The following GRID1 variants were observed in gnomAD, a reference collection of about 807,000 sequenced individuals.
The protein encoded by GRID1 is glutamate receptor ionotropic, delta-1.
GRID1 carries 28 observed loss-of-function variants against 98.0 expected under a neutral mutation model. The observed-to-expected ratio is 0.29, with a 90% CI of 0.21 to 0.39. The LOEUF (loss-of-function observed/expected upper bound fraction) is 0.39. GRID1 is among the 10% of genes least tolerant of loss of function. The probability of loss-of-function intolerance (pLI) is 1.00; values close to 1 mark genes in which losing one functional copy is unlikely to be tolerated. For missense variants in GRID1, 1,111 were observed against 1,340.5 expected (o/e 0.83, Z 2.67); for synonymous variants, 553 against 538.5 (o/e 1.03, Z -0.37).
At chr10:85,625,626 C>T (rs1842903346) in intron 13 of GRID1, among the ~76,000 whole-genome samples, 1 of 152,166 alleles carries the variant, frequency 6.6e-6, no homozygotes, top group Non-Finnish European at 1.5e-5. Context: ...CCAGCAAACA[C>T]CTTAGCAAGC....
At chr10:85,751,079 G>C (rs1180857923) in intron 8 of GRID1, among the ~76,000 whole-genome samples, 3 of 152,166 alleles carry the variant, frequency 2.0e-5, no homozygotes, top group African/African-American at 7.2e-5. Context: ...TGGGAGAAAA[G>C]GACATGAGAT....
At chr10:85,735,452 T>C (rs1001348545) in intron 8 of GRID1, among the ~76,000 whole-genome samples, 4 of 152,156 alleles carry the variant, frequency 2.6e-5, no homozygotes, top group African/African-American at 7.2e-5. Context: ...TTGGAGAATA[T>C]ATTTCACAAA....
At chr10:86,296,093 C>A (rs1847584800) in intron 2 of GRID1, among the ~76,000 whole-genome samples, 1 of 152,232 alleles carries the variant, frequency 6.6e-6, no homozygotes, top group African/African-American at 2.4e-5. Context: ...TACAGTGGCT[C>A]CCACACCATG....
At chr10:85,689,385 T>C (rs1374214574) in intron 12 of GRID1, among the ~76,000 whole-genome samples, 1 of 151,610 alleles carries the variant, frequency 6.6e-6, no homozygotes, top group Admixed American at 6.6e-5. Flanking sequence ...ACAGGATAAA[T>C]TGTAAGAAGG....
rs777806614 is a variant in GRID1 at position 85,724,603 on chromosome 10, T to C, written c.1607A>G (p.Tyr536Cys). Residue 536 changes from tyrosine (Y) to cysteine (C), a missense_variant, in exon 11 of 16, where the codon TAC (tyrosine) becomes TGC (cysteine). Transcript: ENST00000327946. Reference protein sequence around the residue: ...RESVVDFSKRYMDYSVGILIK... With the variant: ...RESVVDFSKRCMDYSVGILIK... ...TAGAATCCCCACTGAATAGTCCATG[T>C]ACCGCTTGCTGAAGTCCACAACGCT... 6.2e-7 allele frequency: 1 copy of C among 1,613,476 alleles called. No homozygotes were observed. The highest frequency in any genetic ancestry group is 8.5e-7 in the Non-Finnish European group (1 of 1,179,980).
Position 85,648,474 on chromosome 10 carries a change from G to GTC in GRID1, c.1998-1079_1998-1078dup, listed in dbSNP as rs1204203335. ...ACTTATTTCTCTTCTAGAAATCTCA[G>GTC]TCTCTCCTCTTTAACAACCCACATC... is the stretch of plus-strand genomic sequence containing the variant. On this transcript the variant is annotated intron_variant, in intron 12 of 15. Coordinates refer to ENST00000327946, the MANE Select transcript of GRID1 (RefSeq NM_017551.3). 2.6e-5 allele frequency among the ~76,000 whole-genome samples: 4 copies of GTC among 152,068 alleles called. No individual in the cohort carries two copies. The South Asian group carries it at 6.2e-4, about 24-fold the overall frequency.
intron 2 of GRID1, among the ~76,000 whole-genome samples, chr10:86,228,767 T>G (rs987126338): frequency 5.3e-5 from 8 of 152,008 alleles, no homozygotes; most frequent in Non-Finnish European, 1.5e-5. Flanking sequence ...GGGTCACCCC[T>G]CAGGAAGTGG....
At chr10:85,775,447 G>A (rs529958998) in intron 8 of GRID1, among the ~76,000 whole-genome samples, 2 of 152,088 alleles carry the variant, frequency 1.3e-5, no homozygotes, top group East Asian at 1.9e-4. Flanking sequence ...TGCACATTGT[G>A]CACATGTACC....
intron 13 of GRID1, chr10:85,645,451 A>G (rs1187080445): frequency 1.3e-5 from 2 of 152,248 alleles, no homozygotes; most frequent in East Asian, 3.8e-4. Flanking sequence ...CGAGGTTTTA[A>G]TAAATCTTGT....
chr10:86,352,218 G>A (rs1589459317), intron 2 of GRID1, among the ~76,000 whole-genome samples: 1 of 152,210 alleles, frequency 6.6e-6, no homozygotes, highest in African/African-American at 2.4e-5. Context: ...CAGCTCATGT[G>A]GTCCAAGGCT....
chr10:85,608,501 G>A (rs756477905), intron 15 of GRID1, among the ~76,000 whole-genome samples: 11 of 152,156 alleles, frequency 7.2e-5, no homozygotes, highest in Non-Finnish European at 1.2e-4. Context: ...TTCAATAAAC[G>A]TGTTTGAGCT....
At chr10:86,243,368 C>T (rs1421836828) in intron 2 of GRID1, among the ~76,000 whole-genome samples, 1 of 152,108 alleles carries the variant, frequency 6.6e-6, no homozygotes, top group Admixed American at 6.5e-5. Context: ...CCTAACCAGG[C>T]CTGGAGAGCC....
At chr10:85,967,233 T>C (rs937020170) in intron 4 of GRID1, among the ~76,000 whole-genome samples, 7 of 152,108 alleles carry the variant, frequency 4.6e-5, no homozygotes, top group African/African-American at 1.4e-4. Flanking sequence ...TATTGCAGCA[T>C]GAGAACAAAC....
intron 4 of GRID1, among the ~76,000 whole-genome samples, chr10:86,019,913 C>T (rs1327623805): frequency 6.6e-6 from 1 of 152,216 alleles, no homozygotes; most frequent in Non-Finnish European, 1.5e-5. Flanking sequence ...CCAGCTTCAT[C>T]CTAGTGATTG....
At chr10:85,771,222 A>C (rs1483067155) in intron 8 of GRID1, among the ~76,000 whole-genome samples, 1 of 152,222 alleles carries the variant, frequency 6.6e-6, no homozygotes, top group Non-Finnish European at 1.5e-5. Context: ...CAGCCAAACT[A>C]AGATTCATAA....
intron 8 of GRID1, among the ~76,000 whole-genome samples, chr10:85,754,162 C>T (rs1842073739): frequency 6.6e-6 from 1 of 152,198 alleles, no homozygotes; most frequent in Admixed American, 6.5e-5. Context: ...TAAATGACTA[C>T]CCAGACACTC....
intron 4 of GRID1, among the ~76,000 whole-genome samples, chr10:86,072,550 A>G (rs906697278): frequency 8.5e-5 from 13 of 152,356 alleles, no homozygotes; most frequent in Middle Eastern, 3.4e-3. Flanking sequence ...TTTCAGTAGC[A>G]GAGGTAATTA....
intron 4 of GRID1, among the ~76,000 whole-genome samples, chr10:86,043,996 G>A (rs1277181230): frequency 6.6e-6 from 1 of 152,186 alleles, no homozygotes; most frequent in Non-Finnish European, 1.5e-5. Flanking sequence ...GTGCTCAATA[G>A]TAAGAAAGTG....
At chr10:85,702,332 A>C (rs1190209271) in intron 12 of GRID1, among the ~76,000 whole-genome samples, 1 of 152,040 alleles carries the variant, frequency 6.6e-6, no homozygotes, top group African/African-American at 2.4e-5. Flanking sequence ...AAACTAAAGA[A>C]AATCTAATCT....
Sources: gnomAD v4.1 joint callset for allele counts (sites outside exome capture counted in the v4.1 genomes callset) on GRCh38, gnomAD v4.1.1 for gene constraint, MANE v1.5 for transcripts, NCBI Gene and HGNC (gene_info 2026-07-23, HGNC 2026-07-21) for gene names.